ADAM7: variants seen among roughly 807,000 people sequenced by gnomAD.
ADAM7 encodes the protein ADAM metallopeptidase domain 7, also known as disintegrin and metalloproteinase domain-containing protein 7.
A neutral mutation model predicts 102.9 loss-of-function variants in ADAM7; 97 were observed. The ratio of observed to expected loss-of-function variants is 0.94; its 90% confidence interval spans 0.80 to 1.12. The LOEUF is 1.12. Ranked by LOEUF, ADAM7 falls within the 50% of genes most tolerant of loss-of-function variation. The pLI is 0.00. For synonymous variants in ADAM7, 334 were observed against 304.4 expected (o/e 1.10, Z -1.01); for missense variants, 991 against 908.7 (o/e 1.09, Z -1.16).
Position 24,492,574 on chromosome 8 carries a change from C to G in ADAM7, c.1632C>G (p.Asn544Lys), listed in dbSNP as rs201475758. 592 of 1,612,308 alleles carry G rather than the reference C, an allele frequency of 3.7e-4. No individual in the cohort carries two copies. The highest frequency in any genetic ancestry group is 1.2e-3 in the South Asian group (105 of 90,822). Residue 544 changes from asparagine (N) to lysine (K), a missense_variant, in exon 15 of 22, where the codon AAC becomes AAG. Asn to Lys is a moderately conservative substitution (Grantham distance 94). Coordinates refer to ENST00000175238, the MANE Select transcript of ADAM7 (RefSeq NM_003817.4). ...NKFGYCKNKE[N>K]RFLPCEEKDV... ...TTGGATACTGCAAAAACAAGGAAAA[C>G]AGATTTCTTCCCTGTGAGGAGAAGT...
intron 16 of ADAM7, among the ~76,000 whole-genome samples, chr8:24,495,128 T>C (rs1286943451): frequency 6.6e-6 from 1 of 152,170 alleles, no homozygotes; most frequent in Non-Finnish European, 1.5e-5. Context: ...GAAGCAGTGA[T>C]TCTCTTCCAT....
At chr8:24,487,465 G>A (rs2129390235) in intron 11 of ADAM7, 148 bp downstream of exon 11, 15 of 967,752 alleles carry the variant, frequency 1.5e-5, no homozygotes, top group East Asian at 3.3e-5. Flanking sequence ...TGGCCAACAT[G>A]GAGAAACCCC....
At chr8:24,476,316 T>G in intron 7 of ADAM7, 117 bp from the exon 8 acceptor site, 1 of 702,082 alleles carries the variant, frequency 1.4e-6, no homozygotes, top group Non-Finnish European at 2.3e-6. Context: ...AGGAGTTCTC[T>G]TTCTTCATTA....
intron 3 of ADAM7, among the ~76,000 whole-genome samples, chr8:24,452,474 C>T (rs919607163): frequency 1.3e-5 from 2 of 151,276 alleles, no homozygotes; most frequent in Non-Finnish European, 2.9e-5. Flanking sequence ...GATTGCAACC[C>T]CTGCCTTTTT....
At chr8:24,472,686 A>G (rs1284143598) in intron 7 of ADAM7, among the ~76,000 whole-genome samples, 1 of 152,084 alleles carries the variant, frequency 6.6e-6, no homozygotes, top group Non-Finnish European at 1.5e-5. Flanking sequence ...GAGTCCAACT[A>G]GAGAGATTAG....
intron 3 of ADAM7, among the ~76,000 whole-genome samples, chr8:24,452,889 T>G (rs1466726587): frequency 1.3e-5 from 2 of 149,992 alleles, no homozygotes; most frequent in Non-Finnish European, 3.0e-5. Context: ...GTAAAGGATT[T>G]TATTTCTCCT....
At chr8:24,460,765 GTGTA>G (rs10546242) in intron 3 of ADAM7, among the ~76,000 whole-genome samples, 42,216 of 148,674 alleles carry the variant, frequency 0.28, 7,583 homozygotes, top group African/African-American at 0.53. Flanking sequence ...GTGTGTGTGT[GTGTA>G]TATATATATA....
intron 13 of ADAM7, 94 bp downstream of exon 13, chr8:24,490,982 T>C (rs1052316946): frequency 8.0e-7 from 1 of 1,245,944 alleles, no homozygotes; most frequent in Non-Finnish European, 1.1e-6. Context: ...CCTGCACCAC[T>C]GACTCCAAAA....
intron 3 of ADAM7, among the ~76,000 whole-genome samples, chr8:24,452,901 C>T (rs1353067643): frequency 1.3e-5 from 2 of 149,270 alleles, no homozygotes; most frequent in Non-Finnish European, 3.0e-5. Flanking sequence ...ATTTCTCCTT[C>T]ACTTATGAAG....
chr8:24,500,996 T>G, intron 19 of ADAM7, 101 bp downstream of exon 19: 1 of 965,664 alleles, frequency 1.0e-6, no homozygotes, highest in Non-Finnish European at 1.6e-6. Context: ...AGTATAAGCT[T>G]CTTACTGAAG....
At chr8:24,495,690 C>G (rs952419438) in intron 16 of ADAM7, among the ~76,000 whole-genome samples, 1 of 152,102 alleles carries the variant, frequency 6.6e-6, no homozygotes, top group Non-Finnish European at 1.5e-5. Context: ...GCATTTTGCC[C>G]CTGCTCTAGA....
chr8:24,454,066 G>C (rs915420017), intron 3 of ADAM7, among the ~76,000 whole-genome samples: 4 of 152,300 alleles, frequency 2.6e-5, no homozygotes, highest in Middle Eastern at 3.4e-3. Context: ...CCCTACTGGG[G>C]GGTGCCTCCC....
In ADAM7 at chr8:24,454,484, G is replaced by A. The variant is rs185876703; in HGVS notation, c.233+7222G>A. Among the ~76,000 whole-genome samples the A allele has an allele frequency of 1.2e-4, 18 of 152,272 alleles. No homozygotes were observed. In the East Asian group the frequency reaches 1.6e-3, roughly 13 times the overall value. ...GGTGCGGGATATAATCTCCTGGTGCGCCATTTTTTAAGCCCGTCGGAAAAG... is the reference window on the plus strand; with the variant it reads ...GGTGCGGGATATAATCTCCTGGTGCACCATTTTTTAAGCCCGTCGGAAAAG... On this transcript the variant is annotated intron_variant, in intron 3 of 21. Transcript: ENST00000175238.
chr8:24,492,397 T>G (rs1010433433), intron 14 of ADAM7, 98 bp from the exon 15 acceptor site: 34 of 897,968 alleles, frequency 3.8e-5, no homozygotes, highest in Non-Finnish European at 5.5e-5. Flanking sequence ...CACTATGACA[T>G]GATTCTGAAA....
intron 12 of ADAM7, among the ~76,000 whole-genome samples, chr8:24,489,869 C>G (rs1372411621): frequency 6.6e-6 from 1 of 152,134 alleles, no homozygotes; most frequent in Non-Finnish European, 1.5e-5. Flanking sequence ...ATGCTTTTCC[C>G]TATCATAGAA....
chr8:24,468,576 G>T (rs1819505348), intron 6 of ADAM7, among the ~76,000 whole-genome samples, 191 bp from the exon 7 acceptor site: 4 of 151,896 alleles, frequency 2.6e-5, no homozygotes, highest in Admixed American at 2.6e-4. Context: ...CCGATGTATA[G>T]GACCCCATGT....
intron 8 of ADAM7, among the ~76,000 whole-genome samples, chr8:24,480,472 T>G (rs1476731230): frequency 6.6e-6 from 1 of 152,132 alleles, no homozygotes; most frequent in Non-Finnish European, 1.5e-5. Flanking sequence ...TCCATAGTTG[T>G]TTCCCTACTA....
At chr8:24,453,689 G>A (rs1818889531) in intron 3 of ADAM7, among the ~76,000 whole-genome samples, 1 of 152,178 alleles carries the variant, frequency 6.6e-6, no homozygotes, top group Non-Finnish European at 1.5e-5. Context: ...TTCCGTTGCT[G>A]GTGAGGAACT....
Position 24,487,169 on chromosome 8 carries a change from C to G in ADAM7, c.961-18C>G. The stretch of plus-strand genomic sequence containing the variant: ...TGCTAACTTTTGAAAATTTCTAATG[C>G]AATTGTTTTATCATCAGGATCTTTT... On this transcript the variant is annotated intron_variant, in intron 10 of 21. Coordinates refer to ENST00000175238, the MANE Select transcript of ADAM7 (RefSeq NM_003817.4). The G allele has an allele frequency of 6.2e-7, 1 of 1,611,192 alleles. No individual in the cohort carries two copies. The highest frequency in any genetic ancestry group is 1.3e-5 in the African/African-American group (1 of 74,914).
Sources: gnomAD v4.1 joint callset for allele counts (sites outside exome capture counted in the v4.1 genomes callset) on GRCh38, gnomAD v4.1.1 for gene constraint, MANE v1.5 for transcripts, NCBI Gene and HGNC (gene_info 2026-07-23, HGNC 2026-07-21) for gene names.